LRRC4C: variants seen among roughly 807,000 people sequenced by gnomAD.
LRRC4C encodes leucine-rich repeat-containing protein 4C.
In LRRC4C, 5 loss-of-function variants were observed where a neutral mutation model predicts 33.6. The observed-to-expected ratio is 0.15, with a 90% CI of 0.08 to 0.31. The LOEUF (loss-of-function observed/expected upper bound fraction) is 0.31. Ranked by LOEUF, LRRC4C falls within the 10% of genes least tolerant of loss-of-function variation. LRRC4C has a pLI of 1.00. For synonymous variants in LRRC4C, 329 were observed against 302.0 expected (o/e 1.09, Z -0.93); for missense variants, 560 against 796.7 (o/e 0.70, Z 3.58).
intron 3 of LRRC4C, among the ~76,000 whole-genome samples, chr11:40,414,601 C>T (rs1011776343): frequency 1.3e-5 from 2 of 152,100 alleles, no homozygotes; most frequent in African/African-American, 4.8e-5. Flanking sequence ...AGCAGTGAAT[C>T]TCTATTGGCT....
intron 1 of LRRC4C, among the ~76,000 whole-genome samples, chr11:40,978,654 C>T (rs1047612124): frequency 4.0e-5 from 6 of 149,474 alleles, no homozygotes; most frequent in African/African-American, 1.5e-4. Context: ...TGGAGTCTCG[C>T]TCTGTTGCCC....
intron 1 of LRRC4C, among the ~76,000 whole-genome samples, chr11:41,386,648 ATCT>A (rs1402332914): frequency 4.0e-5 from 6 of 151,784 alleles, no homozygotes; most frequent in Non-Finnish European, 4.4e-5. Flanking sequence ...GCTAGTCTTA[ATCT>A]TCTACATTTC....
intron 1 of LRRC4C, among the ~76,000 whole-genome samples, chr11:41,452,634 T>C (rs1035846654): frequency 7.2e-5 from 11 of 152,108 alleles, no homozygotes; most frequent in South Asian, 6.2e-4. Flanking sequence ...CCCCAGTTTA[T>C]GAAATTCTGA....
At chr11:41,387,288 G>A (rs976079371) in intron 1 of LRRC4C, among the ~76,000 whole-genome samples, 2 of 151,710 alleles carry the variant, frequency 1.3e-5, no homozygotes, top group African/African-American at 4.8e-5. Flanking sequence ...AGGCTAGAAT[G>A]GAGAAAGATT....
intron 1 of LRRC4C, among the ~76,000 whole-genome samples, chr11:40,947,474 A>T (rs541374273): frequency 7.5e-4 from 114 of 152,204 alleles, no homozygotes; most frequent in Middle Eastern, 3.4e-3. Context: ...TTTTTTGTAT[A>T]TGCTACCTAT....
At chr11:41,449,645 A>T (rs1285343129) in intron 1 of LRRC4C, among the ~76,000 whole-genome samples, 1 of 151,954 alleles carries the variant, frequency 6.6e-6, no homozygotes, top group African/African-American at 2.4e-5. Flanking sequence ...TCAGGGAAGA[A>T]GATCAAGGTG....
intron 3 of LRRC4C, among the ~76,000 whole-genome samples, chr11:40,538,612 T>C (rs1395697426): frequency 6.6e-6 from 1 of 152,238 alleles, no homozygotes; most frequent in Non-Finnish European, 1.5e-5. Flanking sequence ...TGTGTCTTTA[T>C]AGCAGCATGC....
chr11:40,848,361 T>C (rs761050130), intron 2 of LRRC4C, among the ~76,000 whole-genome samples: 1 of 152,182 alleles, frequency 6.6e-6, no homozygotes. Flanking sequence ...TTATTTTCAT[T>C]GGTTTCAAAT....
At chr11:40,576,837 G>T (rs1334929858) in intron 3 of LRRC4C, among the ~76,000 whole-genome samples, 3 of 152,130 alleles carry the variant, frequency 2.0e-5, no homozygotes, top group African/African-American at 7.2e-5. Context: ...ATCTTTGTGG[G>T]TTTAGCATGT....
At chr11:40,398,195 T>A (rs1949617143) in intron 3 of LRRC4C, among the ~76,000 whole-genome samples, 1 of 152,018 alleles carries the variant, frequency 6.6e-6, no homozygotes, top group Non-Finnish European at 1.5e-5. Context: ...GAAATATGGC[T>A]TACCAATATG....
At chr11:40,643,002 T>C (rs994187085) in intron 3 of LRRC4C, among the ~76,000 whole-genome samples, 13 of 152,274 alleles carry the variant, frequency 8.5e-5, no homozygotes, top group Non-Finnish European at 1.3e-4. Context: ...AGATATTATA[T>C]TGGAAAAATG....
At chr11:40,260,409 TA>T (rs1386285901) in intron 4 of LRRC4C, among the ~76,000 whole-genome samples, 3 of 129,086 alleles carry the variant, frequency 2.3e-5, no homozygotes, top group South Asian at 2.6e-4. Flanking sequence ...TGTTGTGGGT[TA>T]GGGGGAGGGG....
chr11:40,840,238 T>C (rs1952855040), intron 2 of LRRC4C, among the ~76,000 whole-genome samples: 2 of 152,128 alleles, frequency 1.3e-5, no homozygotes, highest in Admixed American at 6.6e-5. Flanking sequence ...AAAACAGATA[T>C]AAGCATAAAT....
chr11:40,175,863 T>TA (rs1860437012), intron 5 of LRRC4C, among the ~76,000 whole-genome samples: 1 of 152,160 alleles, frequency 6.6e-6, no homozygotes, highest in Non-Finnish European at 1.5e-5. Flanking sequence ...TTCTTTTTTT[T>TA]AACTTCCTTA....
At position 41,219,602 on chromosome 11, in the gene LRRC4C, C is replaced by CT. The variant is rs1189198742; in HGVS notation, c.-496+239828dup. Among the ~76,000 whole-genome samples the CT allele has an allele frequency of 1.5e-4, 23 of 152,138 alleles. 1 individual carries two copies. Among genetic ancestry groups the CT allele is most frequent in the Admixed American group, 1.2e-3 (19 of 15,268 alleles). On this transcript the variant is annotated intron_variant, in intron 1 of 6. Transcript: ENST00000528697. Reference sequence around the variant, plus strand: ...GAATTTCCATTTATTTGCTATGGCACTTTTTCTTTTTTCTCTAGCAGGACC... The same window carrying CT: ...GAATTTCCATTTATTTGCTATGGCACTTTTTTCTTTTTTCTCTAGCAGGACC...
chr11:41,199,075 A>C (rs2136249136), intron 1 of LRRC4C, among the ~76,000 whole-genome samples: 1 of 152,280 alleles, frequency 6.6e-6, no homozygotes, highest in East Asian at 1.9e-4. Flanking sequence ...TTGATTTTAT[A>C]GCAGTGTAAA....
At chr11:41,071,492 C>A (rs1396682966) in intron 1 of LRRC4C, among the ~76,000 whole-genome samples, 16 of 152,098 alleles carry the variant, frequency 1.1e-4, no homozygotes, top group Admixed American at 1.0e-3. Context: ...TCTGCTCTTT[C>A]TCTGCTCTAT....
intron 1 of LRRC4C, among the ~76,000 whole-genome samples, chr11:41,392,562 C>CAAACA (rs1555164304): frequency 7.0e-6 from 1 of 143,496 alleles, no homozygotes; most frequent in Non-Finnish European, 1.5e-5. Context: ...AACAAACAAA[C>CAAACA]AAAAAAAAAA....
chr11:40,783,691 G>T (rs971958976), intron 2 of LRRC4C, among the ~76,000 whole-genome samples: 1 of 151,898 alleles, frequency 6.6e-6, no homozygotes. Context: ...CAACAGTTTT[G>T]GAATTTGTGT....
Sources: allele counts gnomAD v4.1 joint callset (sites outside exome capture counted in the v4.1 genomes callset), GRCh38; gene constraint gnomAD v4.1.1; transcripts MANE v1.5; gene names NCBI Gene and HGNC (gene_info 2026-07-23, HGNC 2026-07-21).